Variants in CEMIP2 observed in about 807,000 individuals in gnomAD.
CEMIP2 encodes cell migration inducing hyaluronidase 2, also known as cell surface hyaluronidase CEMIP2.
In CEMIP2, 79 loss-of-function variants were observed where a neutral mutation model predicts 146.9. The observed-to-expected ratio is 0.54, with a 90% confidence interval of 0.45 to 0.65. CEMIP2 has a LOEUF of 0.65. Ranked by LOEUF, CEMIP2 falls within the 30% of genes least tolerant of loss-of-function variation. The pLI is 0.00. For missense variants in CEMIP2, 1,596 were observed against 1,696.2 expected (o/e 0.94, Z 1.04); for synonymous variants, 601 against 606.3 (o/e 0.99, Z 0.13).
chr9:71,716,391 G>A, intron 14 of CEMIP2, 126 bp downstream of exon 14: 1 of 740,000 alleles, frequency 1.4e-6, no homozygotes, highest in Non-Finnish European at 2.2e-6. Flanking sequence ...GTGGCATCAG[G>A]AAGAGGTTGC....
intron 5 of CEMIP2, among the ~76,000 whole-genome samples, chr9:71,738,337 ACT>A (rs1823818172): frequency 2.0e-5 from 3 of 152,180 alleles, no homozygotes; most frequent in Admixed American, 1.3e-4. Flanking sequence ...ACATGGTGAA[ACT>A]CTGTCTCTAA....
In CEMIP2 at chr9:71,719,060, T is replaced by C. The variant is rs563739202; in HGVS notation, c.2268-981A>G. On this transcript the variant is annotated intron_variant, in intron 12 of 23. Transcript: ENST00000377044. Reference sequence around the variant, plus strand: ...TGCTCAAATACTCAAATACATGATATTCAAATACTCAAATGGCCCCATAAG... The same window carrying C: ...TGCTCAAATACTCAAATACATGATACTCAAATACTCAAATGGCCCCATAAG... Among the ~76,000 whole-genome samples the C allele has an allele frequency of 2.3e-4, 35 of 152,226 alleles. No individual in the cohort carries two copies. The East Asian group carries it at 6.7e-3, about 29-fold the overall frequency.
At chr9:71,755,780 G>A (rs1451243184) in intron 1 of CEMIP2, among the ~76,000 whole-genome samples, 1 of 151,458 alleles carries the variant, frequency 6.6e-6, no homozygotes, top group Non-Finnish European at 1.5e-5. Flanking sequence ...AACATAGTGA[G>A]TGAGACCTTA....
At chr9:71,712,057 A>G (rs1338984607) in intron 16 of CEMIP2, 26 bp downstream of exon 16, 1 of 1,606,800 alleles carries the variant, frequency 6.2e-7, no homozygotes, top group Admixed American at 1.7e-5. Context: ...CATAGTCACT[A>G]CGTAAGAACT....
intron 1 of CEMIP2, among the ~76,000 whole-genome samples, chr9:71,750,658 G>T (rs1824224593): frequency 6.6e-6 from 1 of 151,346 alleles, no homozygotes; most frequent in Non-Finnish European, 1.5e-5. Flanking sequence ...TGTAGGTTAG[G>T]CTGGTCTCGA....
intron 3 of CEMIP2, 121 bp from the exon 4 acceptor site, chr9:71,745,700 GA>G (rs1364895530): frequency 2.0e-6 from 2 of 994,824 alleles, no homozygotes; most frequent in East Asian, 2.5e-5. Context: ...AATTCGCTAA[GA>G]ATCTGCTTAG....
chr9:71,685,291 A>G lies in CEMIP2; in HGVS notation c.4058T>C (p.Ile1353Thr), dbSNP rs1274768182. The G allele has an allele frequency of 6.2e-7, 1 of 1,612,840 alleles. No homozygotes were observed. The highest frequency in any genetic ancestry group is 8.5e-7 in the Non-Finnish European group (1 of 1,179,848). ...GQGLGVLEQF[I>T]PLQLDEYGCP... The stretch of plus-strand genomic sequence containing the variant: ...ACCATATTCGTCCAGCTGCAAAGGT[A>G]TGAATTGTTCAAGCACCCCAAGGCC... Residue 1353 changes from isoleucine to threonine, a missense_variant, in exon 24 of 24, where the codon ATA becomes ACA. By Grantham distance (89) the Ile-to-Thr change is moderately conservative (BLOSUM62 -1). Transcript: ENST00000377044.
rs139636345 is a variant in CEMIP2, at chr9:71,709,352, A to G, written c.2892T>C (p.Tyr964=). The G allele has an allele frequency of 1.9e-6, 3 of 1,614,084 alleles. No homozygotes were observed. Among genetic ancestry groups the G allele is most frequent in the African/African-American group, 1.3e-5 (1 of 74,932 alleles). Residue 964 remains tyrosine, a synonymous_variant, in exon 17 of 24, where the codon TAT becomes TAC. Coordinates refer to ENST00000377044, the MANE Select transcript of CEMIP2 (RefSeq NM_013390.3). ...TCAGGTAGTTGTCCATTCTTCCCAC[A>G]TAAGCATCCTTGTATCCTGTCACAG... ...DGSVTGYKDA[Y]VGRMDNYLIR...
chr9:71,743,765 T>G (rs1427221630), intron 4 of CEMIP2, among the ~76,000 whole-genome samples: 1 of 152,190 alleles, frequency 6.6e-6, no homozygotes, highest in Non-Finnish European at 1.5e-5. Flanking sequence ...CTCCTAAATA[T>G]CCCCTACATG....
rs1824054447 is a variant in CEMIP2 at position 71,745,321 on chromosome 9, G to GCCA, written c.728_730dup (p.Leu243_Ala244insVal). The GCCA allele has an allele frequency of 6.2e-7, 1 of 1,613,386 alleles. No homozygotes were observed. Among genetic ancestry groups the GCCA allele is most frequent in the Admixed American group, 1.7e-5 (1 of 59,988 alleles). On this transcript the variant is annotated inframe_insertion, in exon 4 of 24. Coordinates refer to ENST00000377044, the MANE Select transcript of CEMIP2 (RefSeq NM_013390.3). The stretch of plus-strand genomic sequence containing the variant: ...CAAGCCTGAGGAATTCAGGGTCCTT[G>GCCA]CCAACAACGTCCACGATGCCTTCCG...
intron 10 of CEMIP2, among the ~76,000 whole-genome samples, chr9:71,728,359 G>T (rs1823511929): frequency 1.5e-5 from 2 of 133,452 alleles, no homozygotes; most frequent in Non-Finnish European, 3.1e-5. Context: ...GCATGTGCCT[G>T]TAGTATCAGC....
In CEMIP2 at chr9:71,740,142, C is replaced by T. The variant is rs913481273; in HGVS notation, c.1125G>A (p.Gly375=). 2.4e-5 allele frequency: 39 copies of T among 1,613,978 alleles called. No homozygotes were observed. Among genetic ancestry groups the T allele is most frequent in the Non-Finnish European group, 3.2e-5 (38 of 1,180,028 alleles). The change falls in exon 5 of 24, where the codon GGG becomes GGA. Residue 375 remains glycine (G), a synonymous_variant. Coordinates refer to ENST00000377044, the MANE Select transcript of CEMIP2 (RefSeq NM_013390.3). The stretch of plus-strand genomic sequence containing the variant: ...AAAATTCTCTTTGGGCAAGAGCCTT[C>T]CCGCCACTGCTATGATTTTCATAGT... ...VRNYENHSSG[G]KALAQREFYT...
At chr9:71,760,406 T>C (rs879944669) in intron 1 of CEMIP2, among the ~76,000 whole-genome samples, 1 of 143,972 alleles carries the variant, frequency 6.9e-6, no homozygotes, top group African/African-American at 2.4e-5. Context: ...AAGTGAAAAC[T>C]TCTTAAAGTG....
At chr9:71,728,815 T>TTGTGTG (rs33987875) in intron 10 of CEMIP2, among the ~76,000 whole-genome samples, 5,884 of 148,214 alleles carry the variant, frequency 0.04, 198 homozygotes, top group African/African-American at 0.092. Flanking sequence ...TGTGGGGTTT[T>TTGTGTG]TGTGTGTGTG....
In CEMIP2 at chr9:71,685,139, A is replaced by T; in HGVS notation, c.*58T>A. On this transcript the variant is annotated 3_prime_UTR_variant, in exon 24 of 24. Coordinates refer to ENST00000377044, the MANE Select transcript of CEMIP2 (RefSeq NM_013390.3). ...TAACAGTGTCATTTTAAAATGCCATAAATTAAATAAGTTAGTTCACATTTT... is the reference window on the plus strand; with the variant it reads ...TAACAGTGTCATTTTAAAATGCCATTAATTAAATAAGTTAGTTCACATTTT... 1 of 1,451,462 alleles carries T rather than the reference A, an allele frequency of 6.9e-7. No individual in the cohort carries two copies. The highest frequency in any genetic ancestry group is 1.5e-5 in the South Asian group (1 of 67,750). 89.9% of individuals were successfully genotyped at this position (1,451,462 alleles called of 1,614,324 possible). A position where few individuals can be genotyped will look rare whatever the true frequency, so the allele number is the denominator to read the frequency against.
chr9:71,691,306 G>C (rs1204390719), intron 21 of CEMIP2, among the ~76,000 whole-genome samples: 1 of 140,644 alleles, frequency 7.1e-6, no homozygotes, highest in Non-Finnish European at 1.5e-5. Context: ...TGTGATCCCA[G>C]CTACTTGGGA....
rs1822678504 is a variant in CEMIP2, at chr9:71,704,635, C to T, written c.3154G>A (p.Ala1052Thr). ...KGYTIHWNGP[A>T]PRTTFLYLVN... ...AGGTATAGAAATGTAGTCCGTGGTG[C>T]CGGCCCATTCCAGTGGATGGTATAA... The change falls in exon 18 of 24, where the codon GCA becomes ACA. Residue 1052 changes from alanine (A) to threonine (T), a missense_variant. By Grantham distance (58) the Ala-to-Thr change is moderately conservative (BLOSUM62 0). Transcript: ENST00000377044. The T allele has an allele frequency of 8.1e-6, 13 of 1,614,130 alleles. No individual in the cohort carries two copies. The highest frequency in any genetic ancestry group is 1.6e-4 in the Middle Eastern group (1 of 6,062).
intron 5 of CEMIP2, among the ~76,000 whole-genome samples, chr9:71,738,794 G>A (rs1240383786): frequency 7.0e-6 from 1 of 143,148 alleles, no homozygotes; most frequent in Non-Finnish European, 1.5e-5. Flanking sequence ...CCAAGATCAG[G>A]CCACTGCACT....
intron 18 of CEMIP2, among the ~76,000 whole-genome samples, chr9:71,702,278 A>AC (rs200286181): frequency 0.014 from 1,965 of 144,792 alleles, 29 homozygotes; most frequent in African/African-American, 0.034. Flanking sequence ...AAAAAAAAAA[A>AC]AATATTGTTC....
Sources: gnomAD v4.1 joint callset for allele counts (sites outside exome capture counted in the v4.1 genomes callset) on GRCh38, gnomAD v4.1.1 for gene constraint, MANE v1.5 for transcripts, NCBI Gene and HGNC (gene_info 2026-07-23, HGNC 2026-07-21) for gene names.